RBPJ: variants seen among roughly 807,000 people sequenced by gnomAD.
RBPJ encodes recombination signal binding protein for immunoglobulin kappa J region, also known as recombining binding protein suppressor of hairless.
RBPJ carries 9 observed loss-of-function variants against 67.8 expected under a neutral mutation model. The observed-to-expected ratio is 0.13, with a 90% CI of 0.08 to 0.23. RBPJ has a LOEUF of 0.23. Ranked by LOEUF, RBPJ falls within the 10% of genes least tolerant of loss-of-function variation. RBPJ has a pLI of 1.00. For synonymous variants in RBPJ, 198 were observed against 203.3 expected, an observed-to-expected ratio of 0.97 and a Z score of 0.22; for missense variants, 305 against 595.6, an observed-to-expected ratio of 0.51 and a Z score of 5.08.
In RBPJ at chr4:26,423,045, C is replaced by T. The variant is rs538945328; in HGVS notation, c.497-1297C>T. The stretch of plus-strand genomic sequence containing the variant: ...AACATTTAGTCACTAGAGATTTCCA[C>T]GTACTAGATTTTGCTGATTTCATTT... On this transcript the variant is annotated intron_variant, in intron 5 of 10. Coordinates refer to ENST00000355476, the MANE Select transcript of RBPJ (RefSeq NM_015874.6). 1.4e-4 allele frequency among the ~76,000 whole-genome samples: 21 copies of T among 152,258 alleles called. No individual in the cohort carries two copies. In the South Asian group the frequency reaches 4.4e-3, roughly 32 times the overall value.
chr4:26,151,921 G>A, the RBPJ span, among the ~76,000 whole-genome samples: 2 of 152,254 alleles, frequency 1.3e-5, no homozygotes, highest in South Asian at 4.1e-4. Flanking sequence ...CAAATATGTG[G>A]GACAGCTGAG....
chr4:26,270,598 A>G (rs1720887997), intron 1 of RBPJ, among the ~76,000 whole-genome samples: 1 of 152,034 alleles, frequency 6.6e-6, no homozygotes, highest in Admixed American at 6.6e-5. Context: ...GGAACCTCCA[A>G]AAGTTTTTAT....
chr4:26,120,656 C>T, the RBPJ span, among the ~76,000 whole-genome samples: 16 of 150,224 alleles, frequency 1.1e-4, no homozygotes, highest in Non-Finnish European at 4.4e-5. Context: ...TCTCATGTTT[C>T]CTAATAGCCA....
At chr4:26,332,130 A>G (rs1393812568) in intron 1 of RBPJ, among the ~76,000 whole-genome samples, 12 of 152,196 alleles carry the variant, frequency 7.9e-5, no homozygotes, top group Non-Finnish European at 1.8e-4. Flanking sequence ...AGTATATGGT[A>G]ATTTACTTAC....
At position 26,245,670 on chromosome 4, in the gene RBPJ, T is replaced by A. The variant is rs533573640; in HGVS notation, c.-167+82056T>A. Among the ~76,000 whole-genome samples, 6 of 152,374 alleles carry A rather than the reference T, an allele frequency of 3.9e-5. No homozygotes were observed. The East Asian group carries it at 1.2e-3, about 29-fold the overall frequency. ...TGCCTAATCCACAGTCATGAAGAGT[T>A]GTTCCCAAGTTTTCTTCTATGAGTT... On this transcript the variant is annotated intron_variant, in intron 1 of 4. Coordinates refer to the RBPJ transcript ENST00000512351.
chr4:26,283,165 G>A (rs1168665008), intron 1 of RBPJ, among the ~76,000 whole-genome samples: 1 of 147,526 alleles, frequency 6.8e-6, no homozygotes, highest in African/African-American at 2.5e-5. Context: ...TCCTGACCTC[G>A]TAATCCACCC....
chr4:26,313,133 G>A (rs1305924202), intron 1 of RBPJ, among the ~76,000 whole-genome samples: 1 of 152,110 alleles, frequency 6.6e-6, no homozygotes, highest in Non-Finnish European at 1.5e-5. Flanking sequence ...ATATTGTCCA[G>A]GCTGGTCTTG....
the RBPJ span, among the ~76,000 whole-genome samples, chr4:26,132,193 T>C: frequency 7.0e-6 from 1 of 142,000 alleles, no homozygotes; most frequent in African/African-American, 2.6e-5. Context: ...TTAGACTGAC[T>C]AACTATTTTT....
chr4:26,195,580 GTA>G (rs1415439169), intron 1 of RBPJ, among the ~76,000 whole-genome samples: 1 of 152,006 alleles, frequency 6.6e-6, no homozygotes, highest in Non-Finnish European at 1.5e-5. Context: ...TGATCTCTGA[GTA>G]TGTTTTTTTT....
the RBPJ span, among the ~76,000 whole-genome samples, chr4:26,122,379 C>T: frequency 1.3e-5 from 2 of 152,280 alleles, no homozygotes; most frequent in African/African-American, 4.8e-5. Flanking sequence ...TACCAAATTC[C>T]AGTATTTCTG....
At chr4:26,419,084 C>T (rs1341643702) in intron 4 of RBPJ, among the ~76,000 whole-genome samples, 1 of 152,134 alleles carries the variant, frequency 6.6e-6, no homozygotes, top group Non-Finnish European at 1.5e-5. Flanking sequence ...GCTCAAGCGA[C>T]CGTCCCACCT....
chr4:26,244,159 A>ATACATATATG (rs770189242), intron 1 of RBPJ, among the ~76,000 whole-genome samples: 2 of 111,022 alleles, frequency 1.8e-5, no homozygotes, highest in Non-Finnish European at 1.9e-5. Context: ...ACATATATGT[A>ATACATATATG]TATATATATG....
At chr4:26,386,259 G>C in intron 1 of RBPJ, 94 bp from the exon 2 acceptor site, 1 of 812,614 alleles carries the variant, frequency 1.2e-6, no homozygotes, top group Non-Finnish European at 2.0e-6. Flanking sequence ...TGAAGTATAA[G>C]TCATAAAAGA....
At chr4:26,375,109 C>T (rs1348846669) in intron 1 of RBPJ, among the ~76,000 whole-genome samples, 1 of 151,704 alleles carries the variant, frequency 6.6e-6, no homozygotes, top group African/African-American at 2.4e-5. Context: ...TTGAGACTAG[C>T]CTGGGCAATA....
intron 1 of RBPJ, among the ~76,000 whole-genome samples, chr4:26,290,934 A>G (rs1189968912): frequency 1.3e-5 from 2 of 151,080 alleles, no homozygotes; most frequent in Non-Finnish European, 3.0e-5. Context: ...CTAAGAAAGC[A>G]GATATGCTAA....
chr4:26,308,931 G>A (rs1313374496), intron 1 of RBPJ, among the ~76,000 whole-genome samples: 2 of 152,012 alleles, frequency 1.3e-5, no homozygotes, highest in Non-Finnish European at 2.9e-5. Context: ...TTGATTTCCT[G>A]TGTAACCACA....
chr4:26,114,365 A>G, the RBPJ span, among the ~76,000 whole-genome samples: 1 of 151,782 alleles, frequency 6.6e-6, no homozygotes, highest in South Asian at 2.1e-4. Context: ...AGGCTGAGGC[A>G]GGAGAAGCTT....
intron 5 of RBPJ, among the ~76,000 whole-genome samples, chr4:26,422,835 C>G (rs555307696): frequency 6.6e-6 from 1 of 152,136 alleles, no homozygotes; most frequent in African/African-American, 2.4e-5. Flanking sequence ...TTTCTTCTGC[C>G]CTTATTTTAG....
At chr4:26,150,625 A>G in the RBPJ span, among the ~76,000 whole-genome samples, 3 of 152,226 alleles carry the variant, frequency 2.0e-5, no homozygotes, top group African/African-American at 7.2e-5. Context: ...TTGTTGTAAC[A>G]GTCTCATGAG....
Sources: allele counts gnomAD v4.1 joint callset (sites outside exome capture counted in the v4.1 genomes callset), GRCh38; gene constraint gnomAD v4.1.1; transcripts MANE v1.5; gene names NCBI Gene and HGNC (gene_info 2026-07-23, HGNC 2026-07-21).